The following SVIL variants were observed in gnomAD, a reference collection of about 807,000 sequenced individuals.
SVIL encodes archvillin.
In SVIL, 101 loss-of-function variants were observed where a neutral mutation model predicts 240.4. The observed-to-expected ratio is 0.42, with a 90% CI of 0.36 to 0.50. SVIL has a LOEUF of 0.50. SVIL is among the 20% of genes least tolerant of loss of function. SVIL has a pLI of 0.01. For missense variants in SVIL, 2,512 were observed against 2,818.7 expected (o/e 0.89, Z 2.46); for synonymous variants, 999 against 1,100.0 (o/e 0.91, Z 1.82).
chr10:29,641,813 T>C (rs1180193384), intron 3 of SVIL, among the ~76,000 whole-genome samples: 2 of 152,238 alleles, frequency 1.3e-5, no homozygotes, highest in Non-Finnish European at 2.9e-5. Flanking sequence ...TTACAAGGAC[T>C]GTGATGCCTT....
intron 17 of SVIL, chr10:29,508,115 A>C (rs1014643787): frequency 9.6e-6 from 3 of 312,304 alleles, no homozygotes; most frequent in African/African-American, 6.5e-5. Context: ...CAGTTTTAAC[A>C]TTTAACAGAA....
At chr10:29,566,897 C>A (rs1955017316) in intron 2 of SVIL, among the ~76,000 whole-genome samples, 1 of 152,162 alleles carries the variant, frequency 6.6e-6, no homozygotes, top group South Asian at 2.1e-4. Context: ...GCAGGGTCAA[C>A]CTCTGCAGGC....
In SVIL at chr10:29,620,523, G is replaced by A. The variant is rs140296919; in HGVS notation, c.-201+13897C>T. ...AACGTTCATTCAGTGCAACAGCTGAGCTGAATTGTTTTTGATATATAGTCA... is the reference window on the plus strand; with the variant it reads ...AACGTTCATTCAGTGCAACAGCTGAACTGAATTGTTTTTGATATATAGTCA... On this transcript the variant is annotated intron_variant, in intron 1 of 37. Coordinates refer to ENST00000355867, the MANE Select transcript of SVIL (RefSeq NM_021738.3). 7.8e-3 allele frequency among the ~76,000 whole-genome samples: 1,182 copies of A among 152,358 alleles called. 45 individuals carry two copies. Among genetic ancestry groups the A allele is most frequent in the Admixed American group, 0.067 (1,032 of 15,298 alleles).
intron 30 of SVIL, among the ~76,000 whole-genome samples, chr10:29,472,957 A>G (rs1288096015): frequency 6.6e-6 from 1 of 152,204 alleles, no homozygotes; most frequent in Non-Finnish European, 1.5e-5. Flanking sequence ...GGTGCGGGTA[A>G]CATTTCAACA....
chr10:29,702,117 G>GTGAGC (rs983958578), intron 1 of SVIL, among the ~76,000 whole-genome samples: 7 of 145,808 alleles, frequency 4.8e-5, no homozygotes, highest in Admixed American at 1.4e-4. Context: ...GGAGATTGCA[G>GTGAGC]TGAGCTGAGG....
chr10:29,609,418 C>G (rs1436387813), intron 1 of SVIL, among the ~76,000 whole-genome samples: 2 of 152,178 alleles, frequency 1.3e-5, no homozygotes, highest in Admixed American at 1.3e-4. Context: ...GCTGGTCCAG[C>G]CCATGAGCCA....
intron 2 of SVIL, among the ~76,000 whole-genome samples, chr10:29,684,543 A>G (rs924907314): frequency 6.6e-6 from 1 of 152,182 alleles, no homozygotes; most frequent in Non-Finnish European, 1.5e-5. Context: ...GAATAAACAG[A>G]AAGGAGAGGA....
chr10:29,620,429 A>G (rs1957588461), intron 1 of SVIL, among the ~76,000 whole-genome samples: 1 of 152,110 alleles, frequency 6.6e-6, no homozygotes, highest in African/African-American at 2.4e-5. Flanking sequence ...CTAAATATTC[A>G]CCCACCCTCT....
In SVIL at chr10:29,671,411, C is replaced by T. The variant is rs11007690; in HGVS notation, c.-300-13343G>A. Among the ~76,000 whole-genome samples the T allele has an allele frequency of 1.1e-4, 16 of 152,312 alleles. No individual in the cohort carries two copies. In the East Asian group the frequency reaches 3.1e-3, roughly 29 times the overall value. On this transcript the variant is annotated intron_variant, in intron 2 of 35. Transcript: ENST00000375400. ...TCTTAGGATATGCTTTGGAAAGATCCGTTCTTAAAAGAAAATTCGCTGTGT... is the reference window on the plus strand; with the variant it reads ...TCTTAGGATATGCTTTGGAAAGATCTGTTCTTAAAAGAAAATTCGCTGTGT...
chr10:29,499,447 G>C (rs1351313141), intron 17 of SVIL, among the ~76,000 whole-genome samples, 184 bp from the exon 18 acceptor site: 3 of 152,224 alleles, frequency 2.0e-5, no homozygotes, highest in Non-Finnish European at 4.4e-5. Flanking sequence ...GTTGGGTGGA[G>C]ATCACCATTG....
At chr10:29,642,715 A>G (rs1244520402) in intron 3 of SVIL, among the ~76,000 whole-genome samples, 1 of 151,886 alleles carries the variant, frequency 6.6e-6, no homozygotes, top group Non-Finnish European at 1.5e-5. Flanking sequence ...ACAGAGTCTC[A>G]CTCTGTCGCC....
At chr10:29,639,357 G>A (rs1042339251), upstream of SVIL, among the ~76,000 whole-genome samples, 28 of 152,118 alleles carry the variant, frequency 1.8e-4, no homozygotes, top group Admixed American at 1.3e-3. Context: ...TTTTTAGTAC[G>A]ACGGGGTTTC....
chr10:29,502,115 G>A (rs531485759), intron 17 of SVIL, among the ~76,000 whole-genome samples: 6 of 152,264 alleles, frequency 3.9e-5, no homozygotes, highest in Non-Finnish European at 8.8e-5. Context: ...CAGACCTAGG[G>A]CAAGAAGAAA....
upstream of SVIL, among the ~76,000 whole-genome samples, chr10:29,636,922 C>T (rs958678814): frequency 5.3e-5 from 8 of 152,118 alleles, no homozygotes; most frequent in African/African-American, 1.9e-4. Flanking sequence ...CTGCCTCAGC[C>T]TCCTGAATAT....
At chr10:29,482,018 TTTC>T (rs986216263) in intron 27 of SVIL, among the ~76,000 whole-genome samples, 1 of 111,606 alleles carries the variant, frequency 9.0e-6, no homozygotes, top group African/African-American at 4.3e-5. Flanking sequence ...GTTCTTTTCT[TTTC>T]TTTTTTTTTT....
intron 1 of SVIL, among the ~76,000 whole-genome samples, chr10:29,722,098 C>T (rs972204201): frequency 6.6e-5 from 10 of 151,572 alleles, no homozygotes; most frequent in South Asian, 2.1e-4. Context: ...ATTAGCCAGA[C>T]GTGGTGGTGC....
intron 12 of SVIL, among the ~76,000 whole-genome samples, chr10:29,528,039 T>C (rs1336326109): frequency 6.6e-6 from 1 of 152,074 alleles, no homozygotes. Context: ...TCAATCTACT[T>C]TTTAAAAGTA....
Position 29,651,426 on chromosome 10 carries a change from A to G in SVIL, c.-201+6543T>C, listed in dbSNP as rs570003320. ...ACTTCTCTTATCATGGTCATGGGCAACATCCATCTTGGCAATTCCAATAGA... is the reference window on the plus strand; with the variant it reads ...ACTTCTCTTATCATGGTCATGGGCAGCATCCATCTTGGCAATTCCAATAGA... On this transcript the variant is annotated intron_variant, in intron 3 of 35. Transcript: ENST00000375400. Among the ~76,000 whole-genome samples the G allele has an allele frequency of 2.0e-5, 3 of 152,266 alleles. No individual in the cohort carries two copies. In the South Asian group the frequency reaches 6.2e-4, roughly 32 times the overall value.
At position 29,458,378 on chromosome 10, in the gene SVIL, C is replaced by T. The variant is rs190061943; in HGVS notation, c.6559-45G>A. ...CGCCCCGCGGCTCAGTGAAAGGAGC[C>T]GGGCGTGCGTGTGTTGTTTTACTCC... On this transcript the variant is annotated intron_variant, in intron 37 of 37. Transcript: ENST00000355867. 9.2e-4 allele frequency: 1,480 copies of T among 1,608,304 alleles called. 14 individuals carry two copies. In the African/African-American group the frequency reaches 0.018, roughly 19 times the overall value.
Sources: allele counts gnomAD v4.1 joint callset (sites outside exome capture counted in the v4.1 genomes callset), GRCh38; gene constraint gnomAD v4.1.1; transcripts MANE v1.5; gene names NCBI Gene and HGNC (gene_info 2026-07-23, HGNC 2026-07-21).